FOXP2: variants seen among roughly 807,000 people sequenced by gnomAD.
FOXP2 encodes forkhead box protein P2.
A neutral mutation model predicts 115.8 loss-of-function variants in FOXP2; 12 were observed. That is an observed-to-expected ratio of 0.10 (90% CI 0.07 to 0.17). The LOEUF is 0.17. Among genes scored for constraint, FOXP2 ranks in the 10% least tolerant of loss-of-function variants. The pLI is 1.00. For missense variants in FOXP2, 629 were observed against 843.5 expected, an observed-to-expected ratio of 0.75 and a Z score of 3.15; for synonymous variants, 328 against 297.7, an observed-to-expected ratio of 1.10 and a Z score of -1.05.
At chr7:114,588,737 C>T (rs1377961704) in intron 3 of FOXP2, among the ~76,000 whole-genome samples, 1 of 152,184 alleles carries the variant, frequency 6.6e-6, no homozygotes, top group Non-Finnish European at 1.5e-5. Flanking sequence ...GTTTCTTAAA[C>T]AGGACATTTT....
In FOXP2 at chr7:114,692,053, C is replaced by T. The variant is rs866901970; in HGVS notation, c.*2127C>T. 11 of 453,344 alleles carry T rather than the reference C, an allele frequency of 2.4e-5. No individual in the cohort carries two copies. The highest frequency in any genetic ancestry group is 4.7e-5 in the South Asian group (3 of 64,400). 28.1% of individuals were successfully genotyped at this position (453,344 alleles called of 1,614,324 possible). A position where few individuals can be genotyped will look rare whatever the true frequency, so the allele number is the denominator to read the frequency against. On this transcript the variant is annotated 3_prime_UTR_variant, in exon 17 of 17. Coordinates refer to ENST00000350908, the MANE Select transcript of FOXP2 (RefSeq NM_014491.4). ...ATGTTTGTCTTTGGGTCATGATCAA[C>T]GAACCGGAAGTTTACAATATGGTAT...
At chr7:114,550,149 G>A (rs1458381071) in intron 3 of FOXP2, among the ~76,000 whole-genome samples, 3 of 125,750 alleles carry the variant, frequency 2.4e-5, no homozygotes, top group African/African-American at 3.2e-5. Context: ...ATGGAGTCTC[G>A]CTCTGTCGCC....
Position 114,435,392 on chromosome 7 carries a change from A to G in FOXP2, c.168+8713A>G, listed in dbSNP as rs115525542. Among the ~76,000 whole-genome samples the G allele has an allele frequency of 7.2e-3, 1,095 of 152,262 alleles. 15 individuals carry two copies. The highest frequency in any genetic ancestry group is 0.025 in the African/African-American group (1,035 of 41,552). On this transcript the variant is annotated intron_variant, in intron 2 of 16. Coordinates refer to ENST00000350908, the MANE Select transcript of FOXP2 (RefSeq NM_014491.4). ...AGGGTACACAAAGACAGGAAGGTGT[A>G]AAAAGTGCAGAATATTGAGGACCAT... is the stretch of plus-strand genomic sequence containing the variant.
At chr7:114,272,079 TAA>T (rs1491466938) in intron 1 of FOXP2, among the ~76,000 whole-genome samples, 1 of 143,394 alleles carries the variant, frequency 7.0e-6, no homozygotes, top group Non-Finnish European at 1.5e-5. Flanking sequence ...AATACATATA[TAA>T]TATATATATT....
intron 3 of FOXP2, among the ~76,000 whole-genome samples, chr7:114,576,955 A>C (rs113120149): frequency 3.9e-3 from 588 of 152,082 alleles, no homozygotes; most frequent in Non-Finnish European, 5.5e-3. Flanking sequence ...AAACAAACAT[A>C]CATCATACAT....
chr7:114,407,313 C>T (rs564853697), intron 2 of FOXP2, among the ~76,000 whole-genome samples: 12 of 151,856 alleles, frequency 7.9e-5, no homozygotes, highest in Non-Finnish European at 1.8e-4. Context: ...ACTAATATAA[C>T]AATCAAACAT....
intron 3 of FOXP2, among the ~76,000 whole-genome samples, chr7:114,605,753 A>G (rs1011496314): frequency 6.6e-6 from 1 of 152,214 alleles, no homozygotes; most frequent in African/African-American, 2.4e-5. Context: ...GCACTGAAGC[A>G]TGTTGTGGGG....
At chr7:114,251,506 A>C (rs1463089738) in intron 1 of FOXP2, among the ~76,000 whole-genome samples, 12 of 152,218 alleles carry the variant, frequency 7.9e-5, no homozygotes, top group East Asian at 3.9e-4. Context: ...TCGAAGAAAT[A>C]CTTCACATCC....
chr7:114,360,485 A>G (rs1791721112), intron 2 of FOXP2, among the ~76,000 whole-genome samples: 1 of 152,178 alleles, frequency 6.6e-6, no homozygotes, highest in South Asian at 2.1e-4. Context: ...GATTTGGAAT[A>G]AACTCAATTT....
chr7:114,126,220 CACTTG>C (rs3086366), intron 1 of FOXP2, among the ~76,000 whole-genome samples: 147,113 of 151,778 alleles, frequency 0.97, 71,468 homozygotes, highest in East Asian at 1. Flanking sequence ...GTGTAGATGG[CACTTG>C]ACTTGAGCTT....
chr7:114,261,721 A>G (rs1223503979), intron 1 of FOXP2, among the ~76,000 whole-genome samples: 1 of 152,204 alleles, frequency 6.6e-6, no homozygotes, highest in Non-Finnish European at 1.5e-5. Flanking sequence ...CTGATGCATA[A>G]TAAGTACTTA....
chr7:114,363,387 G>A (rs1456026704), intron 2 of FOXP2, among the ~76,000 whole-genome samples: 6 of 152,150 alleles, frequency 3.9e-5, no homozygotes, highest in African/African-American at 1.4e-4. Context: ...TGGATGACTT[G>A]TAAAATAATA....
At chr7:114,115,895 G>A (rs1322272064) in intron 1 of FOXP2, among the ~76,000 whole-genome samples, 4 of 152,122 alleles carry the variant, frequency 2.6e-5, no homozygotes, top group Non-Finnish European at 5.9e-5. Context: ...TTGAATAAAT[G>A]AGTGAATAAA....
intron 2 of FOXP2, among the ~76,000 whole-genome samples, chr7:114,527,504 T>G (rs1798936377): frequency 1.3e-5 from 2 of 152,134 alleles, no homozygotes; most frequent in South Asian, 4.1e-4. Context: ...TGTGGTGTCT[T>G]TACCAACAAT....
chr7:114,431,911 T>G (rs1794129665), intron 2 of FOXP2, among the ~76,000 whole-genome samples: 1 of 151,908 alleles, frequency 6.6e-6, no homozygotes, highest in Admixed American at 6.6e-5. Context: ...TATCTTGTCA[T>G]TTATTTCTGT....
intron 1 of FOXP2, among the ~76,000 whole-genome samples, chr7:114,200,930 G>A (rs1272855938): frequency 6.6e-6 from 1 of 152,158 alleles, no homozygotes; most frequent in Non-Finnish European, 1.5e-5. Flanking sequence ...TGAGGCGGGT[G>A]GATCACCTGA....
intron 2 of FOXP2, among the ~76,000 whole-genome samples, chr7:114,389,012 T>C (rs1375314074): frequency 2.0e-5 from 3 of 152,318 alleles, no homozygotes; most frequent in African/African-American, 7.2e-5. Context: ...AAGAATAGAA[T>C]GCTACAGTAA....
At chr7:114,513,943 G>A (rs1798198443) in intron 2 of FOXP2, among the ~76,000 whole-genome samples, 1 of 152,024 alleles carries the variant, frequency 6.6e-6, no homozygotes, top group Non-Finnish European at 1.5e-5. Context: ...TTTCAAATGT[G>A]TGAAAATATT....
At chr7:114,526,991 A>ATTTTTTTTTTT (rs200748852) in intron 2 of FOXP2, among the ~76,000 whole-genome samples, 3 of 128,846 alleles carry the variant, frequency 2.3e-5, no homozygotes, top group African/African-American at 2.9e-5. Flanking sequence ...CCACTAATCT[A>ATTTTTTTTTTT]TTTTTTTTTT....
Sources: allele counts gnomAD v4.1 joint callset (sites outside exome capture counted in the v4.1 genomes callset), GRCh38; gene constraint gnomAD v4.1.1; transcripts MANE v1.5; gene names NCBI Gene and HGNC (gene_info 2026-07-23, HGNC 2026-07-21).